The following NTRK2 variants were observed in gnomAD, a reference collection of about 807,000 sequenced individuals.
The protein encoded by NTRK2 is neurotrophic receptor tyrosine kinase 2, also known as BDNF/NT-3 growth factors receptor.
A neutral mutation model predicts 94.5 loss-of-function variants in NTRK2; 13 were observed. The observed-to-expected ratio is 0.14, with a 90% confidence interval of 0.09 to 0.22. The LOEUF (loss-of-function observed/expected upper bound fraction) is 0.22, where lower values mean the gene tolerates loss of function less well. NTRK2 is among the 10% of genes least tolerant of loss of function. NTRK2 has a pLI of 1.00. For synonymous variants in NTRK2, 372 were observed against 407.4 expected (o/e 0.91, Z 1.05); for missense variants, 639 against 1,071.2 (o/e 0.60, Z 5.63).
At chr9:84,742,001 A>C in intron 10 of NTRK2, 74 bp downstream of exon 10, 1 of 1,289,376 alleles carries the variant, frequency 7.8e-7, no homozygotes, top group Non-Finnish European at 1.1e-6. Flanking sequence ...CAACTGAAAG[A>C]AGACTCTTCT....
At chr9:84,841,505 C>T (rs970496455) in intron 12 of NTRK2, among the ~76,000 whole-genome samples, 6 of 152,216 alleles carry the variant, frequency 3.9e-5, no homozygotes, top group African/African-American at 7.2e-5. Flanking sequence ...TATCTGGCCA[C>T]ATTGGCCAGA....
At chr9:84,788,953 G>A (rs1388382760) in intron 12 of NTRK2, among the ~76,000 whole-genome samples, 2 of 152,172 alleles carry the variant, frequency 1.3e-5, no homozygotes. Context: ...TGGCTCTGCT[G>A]CGTGCTCACC....
At chr9:85,012,735 A>G (rs1179674066) in intron 17 of NTRK2, among the ~76,000 whole-genome samples, 1 of 152,150 alleles carries the variant, frequency 6.6e-6, no homozygotes, top group African/African-American at 2.4e-5. Flanking sequence ...AAATACAATC[A>G]AATTTGAATG....
chr9:85,005,689 G>C (rs1196933088), intron 17 of NTRK2, among the ~76,000 whole-genome samples: 1 of 152,092 alleles, frequency 6.6e-6, no homozygotes, highest in Admixed American at 6.5e-5. Context: ...GCTGTTCCTG[G>C]CTCTGGGCTT....
chr9:84,985,643 C>A (rs78494693), intron 17 of NTRK2, among the ~76,000 whole-genome samples: 2,885 of 152,300 alleles, frequency 0.019, 53 homozygotes, highest in Middle Eastern at 0.044. Context: ...GAAATCTACT[C>A]TCTTTGAATT....
intron 12 of NTRK2, 42 bp from the exon 13 acceptor site, chr9:84,860,998 T>C: frequency 6.3e-7 from 1 of 1,587,720 alleles, no homozygotes; most frequent in Non-Finnish European, 8.6e-7. Context: ...CGGTTTCTAC[T>C]TCTCTTTCGA....
intron 17 of NTRK2, among the ~76,000 whole-genome samples, chr9:84,962,400 A>C (rs1171645845): frequency 6.6e-6 from 1 of 152,216 alleles, no homozygotes; most frequent in African/African-American, 2.4e-5. Context: ...GGAAACCAGC[A>C]TGGAGACACG....
At position 84,844,703 on chromosome 9, in the gene NTRK2, CTATT is replaced by C. The variant is rs1346129798; in HGVS notation, c.1397-16335_1397-16332del. On this transcript the variant is annotated intron_variant, in intron 12 of 18. Coordinates refer to ENST00000277120, the MANE Select transcript of NTRK2 (RefSeq NM_006180.6). ...CACACACACACACACACGGCTATCA[CTATT>C]TGTTTCTATTTATTCGTGGCTATTG... is the stretch of plus-strand genomic sequence containing the variant. 4.0e-5 allele frequency among the ~76,000 whole-genome samples: 6 copies of C among 150,336 alleles called. No homozygotes were observed. In the East Asian group the frequency reaches 7.8e-4, roughly 20 times the overall value.
intron 17 of NTRK2, among the ~76,000 whole-genome samples, chr9:85,006,560 A>C (rs1378951345): frequency 6.6e-6 from 1 of 152,182 alleles, no homozygotes; most frequent in Non-Finnish European, 1.5e-5. Flanking sequence ...CATGCAGTGA[A>C]GGTGGGATGG....
chr9:84,755,126 G>T (rs894061315), intron 12 of NTRK2, among the ~76,000 whole-genome samples: 1 of 152,184 alleles, frequency 6.6e-6, no homozygotes, highest in Non-Finnish European at 1.5e-5. Context: ...CCAAACTAGT[G>T]AGTGAAACTT....
chr9:84,876,762 T>C, intron 14 of NTRK2: 1 of 1,061,448 alleles, frequency 9.4e-7, no homozygotes. Context: ...CAGAAACAAT[T>C]ATCAATACAT....
intron 17 of NTRK2, among the ~76,000 whole-genome samples, chr9:84,966,832 C>T (rs1366177632): frequency 6.6e-6 from 1 of 152,186 alleles, no homozygotes; most frequent in Non-Finnish European, 1.5e-5. Flanking sequence ...GGTAACTTTA[C>T]AAAAGGTCTT....
chr9:84,709,958 GCT>G (rs138236971), intron 5 of NTRK2, among the ~76,000 whole-genome samples: 18,126 of 138,166 alleles, frequency 0.13, 1,265 homozygotes, highest in Non-Finnish European at 0.15. Flanking sequence ...AGAATAGCTT[GCT>G]CTGTGTGTGT....
rs202044280 is a variant in NTRK2 at position 85,022,111 on chromosome 9, G to A, written c.*674G>A. 33 of 233,246 alleles carry A rather than the reference G, an allele frequency of 1.4e-4. No homozygotes were observed. The highest frequency in any genetic ancestry group is 5.3e-4 in the African/African-American group (24 of 45,450). 14.4% of individuals were successfully genotyped at this position (233,246 alleles called of 1,614,324 possible). On this transcript the variant is annotated 3_prime_UTR_variant, in exon 19 of 19. Coordinates refer to ENST00000277120, the MANE Select transcript of NTRK2 (RefSeq NM_006180.6). ...AGAGAAAGAAGATTTATTATGAACC[G>A]CAATATGGGAGGAACAAAGACAACC...
At chr9:84,991,270 T>C (rs1022055175) in intron 17 of NTRK2, among the ~76,000 whole-genome samples, 5 of 152,228 alleles carry the variant, frequency 3.3e-5, no homozygotes, top group African/African-American at 4.8e-5. Flanking sequence ...TACATTTTAC[T>C]GAGTACATAG....
intron 2 of NTRK2, among the ~76,000 whole-genome samples, chr9:84,679,824 G>A (rs568029395): frequency 1.4e-4 from 21 of 152,304 alleles, no homozygotes; most frequent in African/African-American, 4.3e-4. Context: ...CAGCTCTGCC[G>A]TTGAGGCTGG....
intron 12 of NTRK2, chr9:84,811,802 C>T: frequency 9.4e-7 from 1 of 1,065,474 alleles, no homozygotes; most frequent in Non-Finnish European, 1.1e-6. Flanking sequence ...TGAGTCTGAC[C>T]CATGGACACC....
At chr9:85,012,146 G>A (rs780390962) in intron 17 of NTRK2, among the ~76,000 whole-genome samples, 104 of 151,508 alleles carry the variant, frequency 6.9e-4, no homozygotes, top group Non-Finnish European at 1.3e-3. Context: ...GTGCCACTGC[G>A]CCCAGCTAAT....
chr9:84,798,929 T>C (rs2070007606), intron 12 of NTRK2, among the ~76,000 whole-genome samples: 1 of 61,934 alleles, frequency 1.6e-5, no homozygotes, highest in African/African-American at 3.3e-5. Flanking sequence ...TATATATATA[T>C]ATATATATAT....
Sources: allele counts gnomAD v4.1 joint callset (sites outside exome capture counted in the v4.1 genomes callset), GRCh38; gene constraint gnomAD v4.1.1; transcripts MANE v1.5; gene names NCBI Gene and HGNC (gene_info 2026-07-23, HGNC 2026-07-21).